Variants in ZSWIM6 observed in about 807,000 individuals in gnomAD.
The protein encoded by ZSWIM6 is zinc finger SWIM domain-containing protein 6.
ZSWIM6 carries 9 observed loss-of-function variants against 113.2 expected under a neutral mutation model. That is an observed-to-expected ratio of 0.08 (90% CI 0.05 to 0.14). The LOEUF (loss-of-function observed/expected upper bound fraction) is 0.14. Ranked by LOEUF, ZSWIM6 falls within the 10% of genes least tolerant of loss-of-function variation. ZSWIM6 has a pLI of 1.00. For missense variants in ZSWIM6, 1,162 were observed against 1,552.2 expected, an observed-to-expected ratio of 0.75 and a Z score of 4.22; for synonymous variants, 611 against 606.5, an observed-to-expected ratio of 1.01 and a Z score of -0.11.
chr5:61,333,032 A>G, intron 1 of ZSWIM6, 84 bp downstream of exon 1: 2 of 1,074,250 alleles, frequency 1.9e-6, no homozygotes, highest in Non-Finnish European at 1.1e-6. Flanking sequence ...TCCTGCGGAC[A>G]GCCCCTAGTT....
intron 1 of ZSWIM6, chr5:61,390,739 T>C: frequency 1.3e-6 from 1 of 793,434 alleles, no homozygotes; most frequent in Non-Finnish European, 2.3e-6. Context: ...TCCTCCATGG[T>C]CTGGAAGCAG....
intron 1 of ZSWIM6, among the ~76,000 whole-genome samples, chr5:61,340,031 C>CTGTTAGATAAAAACCT (rs1744509036): frequency 1.3e-5 from 2 of 152,170 alleles, no homozygotes; most frequent in African/African-American, 2.4e-5. Flanking sequence ...TAAAGTGTGT[C>CTGTTAGATAAAAACCT]TGTTAGATAA....
In ZSWIM6 at chr5:61,490,769, T is replaced by C; in HGVS notation, c.1034-17T>C. 6.5e-7 allele frequency: 1 copy of C among 1,543,374 alleles called. No individual in the cohort carries two copies. The highest frequency in any genetic ancestry group is 1.2e-5 in the South Asian group (1 of 83,172). On this transcript the variant is annotated splice_polypyrimidine_tract_variant and intron_variant, in intron 2 of 13. Transcript: ENST00000252744. ...TTTATCTAGCCTGTGTGTTATTATT[T>C]TTCTTTCTATTTCTAGGTGCTCCTG...
chr5:61,502,104 T>C (rs539322754), intron 4 of ZSWIM6, among the ~76,000 whole-genome samples: 1 of 152,212 alleles, frequency 6.6e-6, no homozygotes, highest in Non-Finnish European at 1.5e-5. Context: ...CTTTCACCAT[T>C]TCTTACCCTG....
chr5:61,496,469 G>A (rs1748317620), intron 4 of ZSWIM6, among the ~76,000 whole-genome samples: 1 of 152,086 alleles, frequency 6.6e-6, no homozygotes, highest in Non-Finnish European at 1.5e-5. Context: ...AATAAAATGG[G>A]GGAATTTGAC....
chr5:61,401,630 G>A (rs1235868159), intron 1 of ZSWIM6, among the ~76,000 whole-genome samples: 1 of 152,080 alleles, frequency 6.6e-6, no homozygotes, highest in Non-Finnish European at 1.5e-5. Context: ...GGATAATGGT[G>A]CATCAGAAAT....
intron 1 of ZSWIM6, among the ~76,000 whole-genome samples, chr5:61,381,898 A>T (rs1341745543): frequency 6.6e-6 from 1 of 152,242 alleles, no homozygotes; most frequent in African/African-American, 2.4e-5. Context: ...TTCATGTGGA[A>T]GTAGAATGCA....
intron 1 of ZSWIM6, among the ~76,000 whole-genome samples, chr5:61,469,505 T>A (rs1448200850): frequency 1.3e-5 from 2 of 152,230 alleles, no homozygotes; most frequent in Non-Finnish European, 1.5e-5. Flanking sequence ...TATAGTTTGC[T>A]TTTTAAAAAA....
intron 1 of ZSWIM6, among the ~76,000 whole-genome samples, chr5:61,366,927 C>T (rs1395715564): frequency 8.1e-5 from 7 of 86,140 alleles, no homozygotes; most frequent in African/African-American, 9.5e-5. Flanking sequence ...TCTGCTGTCT[C>T]AAAAAAAAAA....
chr5:61,491,235 C>T (rs1395435012), intron 3 of ZSWIM6, among the ~76,000 whole-genome samples: 5 of 151,858 alleles, frequency 3.3e-5, no homozygotes, highest in African/African-American at 1.2e-4. Context: ...TTCAAAATGC[C>T]ATTTTTTTCA....
At chr5:61,464,193 C>CTTTTTTTT (rs1747379883) in intron 1 of ZSWIM6, among the ~76,000 whole-genome samples, 1 of 26,902 alleles carries the variant, frequency 3.7e-5, no homozygotes, top group African/African-American at 1.2e-4. Flanking sequence ...TTTTTTTTTG[C>CTTTTTTTT]ATTTTTAGTA....
rs898256544 is a variant in ZSWIM6 at position 61,543,079 on chromosome 5, A to AT, written c.2786-375dup. On this transcript the variant is annotated intron_variant, in intron 13 of 13. Transcript: ENST00000252744. This position sits in a 1 kb window ranked among gnomAD's most constrained non-coding sequence, Gnocchi z 4.3. ...TACCTTACACACAAGCACATAAGCC[A>AT]TGTAAAGTCCCTGTTTTGGTGAGGT... 1.4e-4 allele frequency among the ~76,000 whole-genome samples: 21 copies of AT among 152,216 alleles called. No individual in the cohort carries two copies. Among genetic ancestry groups the AT allele is most frequent in the African/African-American group, 5.1e-4 (21 of 41,452 alleles).
chr5:61,391,172 G>A lies in ZSWIM6; in HGVS notation c.676+58224G>A, dbSNP rs1745700484. The A allele has an allele frequency of 3.7e-6, 3 of 813,100 alleles. No individual in the cohort carries two copies. The South Asian group carries it at 4.0e-5, about 11-fold the overall frequency. The allele number at this position is 813,100 out of a possible 1,614,324, so 50.4% of individuals were successfully genotyped here. On this transcript the variant is annotated intron_variant, in intron 1 of 13. Transcript: ENST00000252744. ...TGGGGTAGCTTCTTGGTGTGCCAAC[G>A]ACTGGTGACCCCTTTGTAGCCATTG...
chr5:61,384,235 G>A (rs1279096768), intron 1 of ZSWIM6, among the ~76,000 whole-genome samples: 9 of 135,982 alleles, frequency 6.6e-5, no homozygotes, highest in South Asian at 2.4e-4. Context: ...GCGACAGAGC[G>A]AGACTCCGTC....
At chr5:61,462,651 C>T (rs1425990541) in intron 1 of ZSWIM6, among the ~76,000 whole-genome samples, 2 of 152,160 alleles carry the variant, frequency 1.3e-5, no homozygotes, top group Non-Finnish European at 2.9e-5. Flanking sequence ...GGTTTTAGTG[C>T]ATGTGTTGAA....
At chr5:61,526,535 C>T in intron 7 of ZSWIM6, 139 bp downstream of exon 7, 1 of 1,057,464 alleles carries the variant, frequency 9.5e-7, no homozygotes, top group Non-Finnish European at 1.3e-6. Context: ...AAAATAATGG[C>T]TGATCTGTGA....
At chr5:61,391,419 G>T in intron 1 of ZSWIM6, 1 of 997,414 alleles carries the variant, frequency 1.0e-6, no homozygotes, top group East Asian at 2.4e-5. Flanking sequence ...TCTTCATGCT[G>T]CTGAAGTCCT....
chr5:61,369,747 G>A (rs957724825), intron 1 of ZSWIM6, among the ~76,000 whole-genome samples: 37 of 152,084 alleles, frequency 2.4e-4, no homozygotes, highest in Non-Finnish European at 4.6e-4. Flanking sequence ...CCCACCATGC[G>A]AAAATAAAAT....
chr5:61,437,758 C>G (rs569020701), intron 1 of ZSWIM6, among the ~76,000 whole-genome samples: 3 of 151,290 alleles, frequency 2.0e-5, no homozygotes, highest in East Asian at 3.9e-4. Flanking sequence ...CTAGTTGACT[C>G]CTAGAACCAT....
Sources: allele counts gnomAD v4.1 joint callset (sites outside exome capture counted in the v4.1 genomes callset), GRCh38; gene constraint gnomAD v4.1.1; non-coding constraint Gnocchi (gnomAD v3.1); transcripts MANE v1.5; gene names NCBI Gene and HGNC (gene_info 2026-07-23, HGNC 2026-07-21).